ZNF2: variants seen among roughly 807,000 people sequenced by gnomAD.
The protein encoded by ZNF2 is zinc finger protein 2, also known as zinc finger protein 2.2.
A neutral mutation model predicts 21.9 loss-of-function variants in ZNF2; 12 were observed. The ratio of observed to expected loss-of-function variants is 0.55; its 90% CI spans 0.35 to 0.89. ZNF2 has a LOEUF of 0.89. Ranked by LOEUF, ZNF2 falls within the 40% of genes least tolerant of loss-of-function variation. The pLI is 0.01. For missense variants in ZNF2, 462 were observed against 544.2 expected (o/e 0.85, Z 1.50); for synonymous variants, 186 against 196.3 (o/e 0.95, Z 0.44).
rs1271678696 is a variant in ZNF2, at chr2:95,180,231, A to G, written c.233A>G (p.His78Arg). The part of the protein sequence containing the change: ...RGDKPWMVDL[H>R]GSEEREWPES... The stretch of plus-strand genomic sequence containing the variant: ...GACAAGCCGTGGATGGTAGATCTTC[A>G]TGGGTCTGAGGAGAGAGAATGGCCA... The change falls in exon 4 of 5, where the codon CAT (histidine) becomes CGT (arginine). Residue 78 changes from histidine (H) to arginine (R), a missense_variant. By Grantham distance (29) the His-to-Arg change is conservative (BLOSUM62 0). Transcript: ENST00000614034. 5 of 1,614,066 alleles carry G rather than the reference A, an allele frequency of 3.1e-6. No homozygotes were observed. Among genetic ancestry groups the G allele is most frequent in the Non-Finnish European group, 4.2e-6 (5 of 1,179,986 alleles).
At chr2:95,169,737 G>A (rs1301396351) in intron 1 of ZNF2, among the ~76,000 whole-genome samples, 3 of 152,152 alleles carry the variant, frequency 2.0e-5, no homozygotes, top group East Asian at 1.9e-4. Flanking sequence ...GAGACAGAGC[G>A]AGACCCTGTC....
At chr2:95,167,505 CAA>C (rs756206050) in intron 1 of ZNF2, among the ~76,000 whole-genome samples, 5 of 44,940 alleles carry the variant, frequency 1.1e-4, no homozygotes, top group Non-Finnish European at 1.9e-4. Context: ...GACTCAGTCT[CAA>C]AAAAAAAAAA....
At position 95,176,061 on chromosome 2, in the gene ZNF2, G is replaced by A. The variant is rs1190944602; in HGVS notation, c.-39-127G>A. 3 of 857,122 alleles carry A rather than the reference G, an allele frequency of 3.5e-6. No homozygotes were observed. In the Admixed American group the frequency reaches 5.2e-5, roughly 15 times the overall value. 53.1% of individuals were successfully genotyped at this position (857,122 alleles called of 1,614,324 possible). A position where few individuals can be genotyped will look rare whatever the true frequency, so the allele number is the denominator to read the frequency against. ...ATTGTTCCTGGCTTTGCTTTACTTA[G>A]ACCCCCTTTTGTAAGGTATTGAGGA... is the stretch of plus-strand genomic sequence containing the variant. On this transcript the variant is annotated intron_variant, in intron 1 of 4. Coordinates refer to ENST00000614034, the MANE Select transcript of ZNF2 (RefSeq NM_021088.4).
intron 3 of ZNF2, 86 bp downstream of exon 3, chr2:95,177,695 C>T (rs1674495618): frequency 6.7e-7 from 1 of 1,486,896 alleles, no homozygotes; most frequent in African/African-American, 1.4e-5. Context: ...CGTTCTCCTC[C>T]CCGCTGAGTT....
intron 3 of ZNF2, among the ~76,000 whole-genome samples, chr2:95,178,669 T>G (rs1199690081): frequency 6.6e-6 from 1 of 152,220 alleles, no homozygotes; most frequent in Non-Finnish European, 1.5e-5. Flanking sequence ...CCAGGATCTA[T>G]TTTTTAATAT....
intron 4 of ZNF2, 59 bp downstream of exon 4, chr2:95,180,331 A>T (rs1674597553): frequency 1.8e-6 from 2 of 1,125,750 alleles, no homozygotes; most frequent in Non-Finnish European, 2.7e-6. Context: ...TATTTGGGTG[A>T]TGGGGGAAAT....
rs1416848287 is a variant in ZNF2 at position 95,177,035 on chromosome 2, A to C, written c.34-448A>C. On this transcript the variant is annotated intron_variant, in intron 2 of 4. Coordinates refer to ENST00000614034, the MANE Select transcript of ZNF2 (RefSeq NM_021088.4). ...TATACTGTGATTATAACAACAGTAC[A>C]TCCTTGTTTTTACAAAATACACACT... Among the ~76,000 whole-genome samples the C allele has an allele frequency of 2.0e-5, 3 of 152,256 alleles. No homozygotes were observed. The East Asian group carries it at 5.8e-4, about 29-fold the overall frequency.
At chr2:95,171,593 G>A (rs1363889905) in intron 1 of ZNF2, among the ~76,000 whole-genome samples, 1 of 152,074 alleles carries the variant, frequency 6.6e-6, no homozygotes, top group Non-Finnish European at 1.5e-5. Flanking sequence ...ATCTTGGCCA[G>A]GCTGGTCTTG....
chr2:95,171,372 T>G (rs1674260830), intron 1 of ZNF2, among the ~76,000 whole-genome samples: 2 of 147,582 alleles, frequency 1.4e-5, no homozygotes, highest in African/African-American at 5.3e-5. Flanking sequence ...TGTCTGTTTT[T>G]CTTCTTCTTC....
rs1674729256 is a variant in ZNF2 at position 95,182,892 on chromosome 2, G to A, written c.*786G>A. ...CCTCTCAACTAGATTGTAAGCACTT[G>A]GAGGTGTGACTTACAGGTCTTTGTA... On this transcript the variant is annotated 3_prime_UTR_variant, in exon 5 of 5. Coordinates refer to ENST00000614034, the MANE Select transcript of ZNF2 (RefSeq NM_021088.4). The A allele has an allele frequency of 1.3e-5, 2 of 152,160 alleles. No homozygotes were observed. The highest frequency in any genetic ancestry group is 2.1e-4 in the South Asian group (1 of 4,828). 9.4% of individuals were successfully genotyped at this position (152,160 alleles called of 1,614,324 possible). A position where few individuals can be genotyped will look rare whatever the true frequency, so the allele number is the denominator to read the frequency against.
chr2:95,168,983 T>C (rs143991078), intron 1 of ZNF2, among the ~76,000 whole-genome samples: 66 of 152,332 alleles, frequency 4.3e-4, no homozygotes, highest in African/African-American at 1.4e-3. Context: ...TTTGAAGATA[T>C]AGACTGAATT....
intron 1 of ZNF2, among the ~76,000 whole-genome samples, chr2:95,175,962 G>A (rs1215087866): frequency 6.6e-6 from 1 of 152,192 alleles, no homozygotes; most frequent in Non-Finnish European, 1.5e-5. Context: ...TAGCATCGTG[G>A]TAAAAACCAC....
chr2:95,179,021 T>C (rs1283249514), intron 3 of ZNF2, among the ~76,000 whole-genome samples: 2 of 149,644 alleles, frequency 1.3e-5, no homozygotes, highest in Non-Finnish European at 3.0e-5. Context: ...AGACAGAGTC[T>C]CACTCTGTTG....
At chr2:95,171,846 G>A (rs1443174583) in intron 1 of ZNF2, among the ~76,000 whole-genome samples, 3 of 152,094 alleles carry the variant, frequency 2.0e-5, no homozygotes, top group Admixed American at 6.5e-5. Flanking sequence ...TCAGTGTGGC[G>A]TGGCCACCTG....
intron 2 of ZNF2, among the ~76,000 whole-genome samples, chr2:95,176,730 A>G (rs760145955): frequency 2.0e-5 from 3 of 152,194 alleles, no homozygotes; most frequent in Non-Finnish European, 2.9e-5. Flanking sequence ...GGCTTGCTCC[A>G]TTCCTGCCCG....
chr2:95,168,673 T>A, intron 1 of ZNF2, among the ~76,000 whole-genome samples: 1 of 152,224 alleles, frequency 6.6e-6, no homozygotes, highest in East Asian at 1.9e-4. Flanking sequence ...ATTTGTTGAA[T>A]GAACTGTATG....
intron 1 of ZNF2, among the ~76,000 whole-genome samples, chr2:95,169,215 T>G (rs1674189885): frequency 6.6e-6 from 1 of 152,204 alleles, no homozygotes; most frequent in South Asian, 2.1e-4. Flanking sequence ...CACTGGTTGT[T>G]TAATAACTGG....
chr2:95,166,402 A>G (rs1278216910), intron 1 of ZNF2, among the ~76,000 whole-genome samples: 2 of 152,160 alleles, frequency 1.3e-5, no homozygotes, highest in African/African-American at 4.8e-5. Context: ...ATGCAGGAAC[A>G]GTGGTAGACA....
At chr2:95,177,873 G>A (rs1426867775) in intron 3 of ZNF2, among the ~76,000 whole-genome samples, 2 of 152,176 alleles carry the variant, frequency 1.3e-5, no homozygotes, top group Non-Finnish European at 2.9e-5. Flanking sequence ...GCAAAATTCA[G>A]GGAGGGCCAG....
Sources: gnomAD v4.1 joint callset for allele counts (sites outside exome capture counted in the v4.1 genomes callset) on GRCh38, gnomAD v4.1.1 for gene constraint, MANE v1.5 for transcripts, NCBI Gene and HGNC (gene_info 2026-07-23, HGNC 2026-07-21) for gene names.